Variants in FRMD5 observed in about 807,000 individuals in gnomAD.
FRMD5 encodes FERM domain containing 5.
Under a neutral mutation model 69.0 loss-of-function variants are expected in FRMD5, and 20 were observed. That is an observed-to-expected ratio of 0.29 (90% CI 0.20 to 0.42). The LOEUF (loss-of-function observed/expected upper bound fraction) is 0.42, where lower values mean the gene tolerates loss of function less well. Among genes scored for constraint, FRMD5 ranks in the 10% least tolerant of loss-of-function variants. FRMD5 has a pLI of 1.00. For synonymous variants in FRMD5, 271 were observed against 260.1 expected, an observed-to-expected ratio of 1.04 and a Z score of -0.40; for missense variants, 595 against 708.6, an observed-to-expected ratio of 0.84 and a Z score of 1.82.
chr15:44,092,927 C>CTTTTTTTTT (rs3040924), intron 1 of FRMD5, among the ~76,000 whole-genome samples: 4 of 79,396 alleles, frequency 5.0e-5, no homozygotes, highest in African/African-American at 1.9e-4. Context: ...TATCCTCTGC[C>CTTTTTTTTT]TTTTTTTTTT....
At chr15:44,172,143 T>C (rs1282603144) in intron 1 of FRMD5, among the ~76,000 whole-genome samples, 1 of 150,696 alleles carries the variant, frequency 6.6e-6, no homozygotes, top group East Asian at 2.0e-4. Context: ...TAGACTGGAG[T>C]GCAGTGGCAC....
chr15:44,057,657 A>T (rs1892927042), intron 1 of FRMD5, among the ~76,000 whole-genome samples: 1 of 152,236 alleles, frequency 6.6e-6, no homozygotes, highest in African/African-American at 2.4e-5. Context: ...AGAACCCAGG[A>T]TACAACAGCA....
upstream of FRMD5, among the ~76,000 whole-genome samples, chr15:44,198,190 G>A (rs1369535152): frequency 6.6e-6 from 1 of 151,870 alleles, no homozygotes; most frequent in Non-Finnish European, 1.5e-5. Flanking sequence ...TGGGTGTGGT[G>A]GCACACACCT....
intron 1 of FRMD5, among the ~76,000 whole-genome samples, chr15:44,080,106 T>C (rs1893935716): frequency 6.6e-6 from 1 of 152,086 alleles, no homozygotes; most frequent in Non-Finnish European, 1.5e-5. Flanking sequence ...GCTTATGTTA[T>C]ATATATATTT....
At chr15:43,967,037 G>A (rs2090305436) in intron 1 of FRMD5, among the ~76,000 whole-genome samples, 1 of 152,076 alleles carries the variant, frequency 6.6e-6, no homozygotes, top group African/African-American at 2.4e-5. Flanking sequence ...GAAAGACATG[G>A]ACTTGCTTCT....
chr15:43,973,791 T>C (rs2090424165), intron 1 of FRMD5, among the ~76,000 whole-genome samples: 1 of 151,614 alleles, frequency 6.6e-6, no homozygotes, highest in African/African-American at 2.4e-5. Context: ...CCCAAACCTC[T>C]ATTTGGTTTT....
chr15:43,942,564 A>G (rs1447207611), intron 1 of FRMD5, among the ~76,000 whole-genome samples: 1 of 152,198 alleles, frequency 6.6e-6, no homozygotes, highest in Non-Finnish European at 1.5e-5. Context: ...ATCTGGAACA[A>G]TGGAAGACAG....
intron 1 of FRMD5, among the ~76,000 whole-genome samples, chr15:44,170,736 TTAGA>T (rs141028846): frequency 3.0e-4 from 45 of 152,266 alleles, no homozygotes; most frequent in Middle Eastern, 6.8e-3. Context: ...GTTTTTTCCC[TTAGA>T]TAAGCCACTG....
At chr15:43,963,172 A>G (rs948723930) in intron 1 of FRMD5, among the ~76,000 whole-genome samples, 1 of 152,232 alleles carries the variant, frequency 6.6e-6, no homozygotes. Context: ...CAAAGGGCTA[A>G]TATCCAGAAT....
intron 1 of FRMD5, among the ~76,000 whole-genome samples, chr15:44,034,835 T>C (rs1231870042): frequency 3.3e-5 from 5 of 152,118 alleles, no homozygotes; most frequent in Admixed American, 6.6e-5. Context: ...TGAGGCTCAT[T>C]CTAGCCCTAA....
chr15:43,952,910 G>C (rs2090059194), intron 1 of FRMD5, among the ~76,000 whole-genome samples: 1 of 152,194 alleles, frequency 6.6e-6, no homozygotes, highest in African/African-American at 2.4e-5. Flanking sequence ...GAGAAAAAAA[G>C]TGCAGCTGAG....
chr15:44,106,837 A>C (rs1349525962), intron 1 of FRMD5, among the ~76,000 whole-genome samples: 2 of 152,248 alleles, frequency 1.3e-5, no homozygotes, highest in African/African-American at 2.4e-5. Flanking sequence ...TTGCTGATGA[A>C]ATACATTAGC....
chr15:44,056,491 T>C (rs1206851650), intron 1 of FRMD5, among the ~76,000 whole-genome samples: 1 of 152,238 alleles, frequency 6.6e-6, no homozygotes, highest in Non-Finnish European at 1.5e-5. Context: ...CAAGCAATTA[T>C]AATTCTGAAA....
intron 1 of FRMD5, among the ~76,000 whole-genome samples, chr15:44,014,327 T>C (rs562482469): frequency 6.6e-6 from 1 of 152,300 alleles, no homozygotes; most frequent in Non-Finnish European, 1.5e-5. Context: ...AGAGGTTAAG[T>C]GTAAGGACTC....
intron 1 of FRMD5, among the ~76,000 whole-genome samples, chr15:43,950,973 G>A (rs1238930221): frequency 2.6e-5 from 4 of 152,218 alleles, no homozygotes; most frequent in East Asian, 1.9e-4. Context: ...CTCGAAATGC[G>A]GTGTGAGACC....
intron 1 of FRMD5, among the ~76,000 whole-genome samples, chr15:44,075,698 G>A (rs1033279584): frequency 6.6e-6 from 1 of 152,048 alleles, no homozygotes; most frequent in African/African-American, 2.4e-5. Context: ...TTTTTCTATA[G>A]ACGTTCCACA....
chr15:44,169,594 C>T (rs1421668113), intron 1 of FRMD5, among the ~76,000 whole-genome samples: 2 of 151,948 alleles, frequency 1.3e-5, no homozygotes, highest in Non-Finnish European at 2.9e-5. Context: ...CCAGGAAATC[C>T]CAGAAGATGT....
At chr15:44,182,569 A>G (rs903884517) in intron 1 of FRMD5, among the ~76,000 whole-genome samples, 4 of 144,676 alleles carry the variant, frequency 2.8e-5, no homozygotes, top group Admixed American at 2.1e-4. Flanking sequence ...CTCGTGATCC[A>G]CCCACCTTGG....
chr15:44,031,315 A>G (rs777261720), intron 1 of FRMD5, among the ~76,000 whole-genome samples: 44 of 152,350 alleles, frequency 2.9e-4, no homozygotes, highest in Non-Finnish European at 2.2e-4. Flanking sequence ...ATGAAAATAT[A>G]AAAACAAAAT....
Sources: gnomAD v4.1 joint callset for allele counts (sites outside exome capture counted in the v4.1 genomes callset) on GRCh38, gnomAD v4.1.1 for gene constraint, MANE v1.5 for transcripts, NCBI Gene and HGNC (gene_info 2026-07-23, HGNC 2026-07-21) for gene names.